The following PTPRD variants were observed in gnomAD, a reference collection of about 807,000 sequenced individuals.
PTPRD encodes the protein receptor-type tyrosine-protein phosphatase delta.
In PTPRD, 34 loss-of-function variants were observed where a neutral mutation model predicts 214.5. The observed-to-expected ratio is 0.16, with a 90% confidence interval of 0.12 to 0.21. PTPRD has a LOEUF of 0.21. Ranked by LOEUF, PTPRD falls within the 10% of genes least tolerant of loss-of-function variation. The pLI, the probability that PTPRD is intolerant of heterozygous loss-of-function variation, is 1.00. For synonymous variants in PTPRD, 1,128 were observed against 845.7 expected (o/e 1.33, Z -5.79); for missense variants, 2,545 against 2,398.7 (o/e 1.06, Z -1.27).
At chr9:9,600,130 A>C (rs1250168502) in intron 7 of PTPRD, among the ~76,000 whole-genome samples, 1 of 152,096 alleles carries the variant, frequency 6.6e-6, no homozygotes, top group African/African-American at 2.4e-5. Flanking sequence ...CCGACTAATA[A>C]TTTGGGGGAA....
chr9:8,448,312 A>C (rs533481786), intron 34 of PTPRD, among the ~76,000 whole-genome samples: 1 of 152,196 alleles, frequency 6.6e-6, no homozygotes, highest in Non-Finnish European at 1.5e-5. Context: ...TGGACAATCG[A>C]GTGAGACTCT....
Position 8,315,476 on chromosome 9 carries a change from G to C in PTPRD, c.*2398C>G, listed in dbSNP as rs901362638. The C allele has an allele frequency of 5.6e-5, 13 of 231,936 alleles. No homozygotes were observed. The highest frequency in any genetic ancestry group is 5.1e-5 in the Non-Finnish European group (6 of 117,058). 14.4% of individuals were successfully genotyped at this position (231,936 alleles called of 1,614,324 possible). A position where few individuals can be genotyped will look rare whatever the true frequency, so the allele number is the denominator to read the frequency against. ...TTTGTTTAACTAAAAGAAAATTATA[G>C]CACTGAGTAATCTGGCACTTGGATA... On this transcript the variant is annotated 3_prime_UTR_variant, in exon 46 of 46. Coordinates refer to ENST00000381196, the MANE Select transcript of PTPRD (RefSeq NM_002839.4).
intron 11 of PTPRD, among the ~76,000 whole-genome samples, chr9:8,933,190 G>A (rs1282535340): frequency 1.3e-5 from 2 of 151,866 alleles, no homozygotes; most frequent in Non-Finnish European, 2.9e-5. Context: ...GCCCTTCATG[G>A]GCTGCACCCA....
chr9:8,749,291 C>G (rs6477346), intron 11 of PTPRD, among the ~76,000 whole-genome samples: 8,697 of 152,146 alleles, frequency 0.057, 631 homozygotes, highest in African/African-American at 0.17. Flanking sequence ...AGCAATTCTA[C>G]ATTCTCGTGT....
chr9:10,482,761 G>T (rs1053833874), intron 2 of PTPRD, among the ~76,000 whole-genome samples: 3 of 152,016 alleles, frequency 2.0e-5, no homozygotes, highest in African/African-American at 7.3e-5. Flanking sequence ...AACCAACTAG[G>T]TGAAAAATCT....
In PTPRD at chr9:9,090,855, T is replaced by A. The variant is rs543692964; in HGVS notation, c.-142-72120A>T. On this transcript the variant is annotated intron_variant, in intron 10 of 45. Transcript: ENST00000381196. ...TATTCCATTGACAATGATGACAGGT[T>A]AAAAATTTCTTTAAATAGCTGTCTC... 9.5e-5 allele frequency: 81 copies of A among 850,618 alleles called. No homozygotes were observed. The East Asian group carries it at 1.5e-3, about 16-fold the overall frequency. 52.7% of individuals were successfully genotyped at this position (850,618 alleles called of 1,614,324 possible). A position where few individuals can be genotyped will look rare whatever the true frequency, so the allele number is the denominator to read the frequency against.
In PTPRD at chr9:10,033,774, G is replaced by A. The variant is rs9886850; in HGVS notation, c.-528C>T. On this transcript the variant is annotated 5_prime_UTR_variant, in exon 4 of 46. Coordinates refer to ENST00000381196, the MANE Select transcript of PTPRD (RefSeq NM_002839.4). The stretch of plus-strand genomic sequence containing the variant: ...TATAGCTGGAGGATGAAAAGTATCA[G>A]ACTCCTCAAGATTTCCCTGAAAGGA... 0.32 allele frequency: 47,840 copies of A among 151,854 alleles called. 8,075 individuals are homozygous for A. The highest frequency in any genetic ancestry group is 0.62 in the East Asian group (3,215 of 5,150). The allele number at this position is 151,854 out of a possible 1,614,324, so 9.4% of individuals were successfully genotyped here.
At chr9:8,513,972 A>T (rs1240464454) in intron 21 of PTPRD, among the ~76,000 whole-genome samples, 13 of 152,152 alleles carry the variant, frequency 8.5e-5, no homozygotes, top group Admixed American at 8.5e-4. Flanking sequence ...CATGCAAAAA[A>T]GTCAGTTAAA....
intron 2 of PTPRD, among the ~76,000 whole-genome samples, chr9:10,413,088 A>G (rs925840763): frequency 1.3e-5 from 2 of 151,958 alleles, no homozygotes; most frequent in Non-Finnish European, 2.9e-5. Flanking sequence ...CTCCTATTCA[A>G]CATAGTATTG....
intron 6 of PTPRD, among the ~76,000 whole-genome samples, chr9:9,763,579 A>G (rs1051593453): frequency 2.6e-5 from 4 of 152,178 alleles, no homozygotes; most frequent in Non-Finnish European, 5.9e-5. Flanking sequence ...GTTACAAATA[A>G]CAATATGATA....
chr9:10,204,579 C>G (rs1249750748), intron 3 of PTPRD, among the ~76,000 whole-genome samples: 1 of 151,862 alleles, frequency 6.6e-6, no homozygotes. Flanking sequence ...ATCATTTGTT[C>G]TGATTTATAA....
chr9:8,629,025 A>G (rs1214293116), intron 14 of PTPRD, among the ~76,000 whole-genome samples: 1 of 151,810 alleles, frequency 6.6e-6, no homozygotes, highest in Non-Finnish European at 1.5e-5. Context: ...AGAACAGCCC[A>G]GTCTAAAAAT....
intron 8 of PTPRD, among the ~76,000 whole-genome samples, chr9:9,461,471 G>A (rs1417995834): frequency 1.3e-5 from 2 of 152,144 alleles, no homozygotes; most frequent in East Asian, 1.9e-4. Flanking sequence ...TGGAATTAGA[G>A]TAGATAAAGA....
chr9:9,806,825 T>C (rs1408924386), intron 5 of PTPRD, among the ~76,000 whole-genome samples: 3 of 151,988 alleles, frequency 2.0e-5, no homozygotes, highest in Admixed American at 6.6e-5. Flanking sequence ...CTGACCTACC[T>C]CTAGGAACAC....
chr9:8,850,197 C>T (rs1296003733), intron 11 of PTPRD, among the ~76,000 whole-genome samples: 2 of 151,990 alleles, frequency 1.3e-5, no homozygotes, highest in African/African-American at 4.8e-5. Context: ...AGTCATGTAA[C>T]AAGCAGATAG....
intron 3 of PTPRD, among the ~76,000 whole-genome samples, chr9:10,311,083 AT>A (rs891557222): frequency 1.3e-4 from 20 of 150,008 alleles, no homozygotes; most frequent in East Asian, 3.9e-4. Context: ...TTATATACCG[AT>A]TTTTTTTTTA....
intron 10 of PTPRD, among the ~76,000 whole-genome samples, chr9:9,037,340 G>C (rs2154380952): frequency 6.6e-6 from 1 of 152,154 alleles, no homozygotes; most frequent in South Asian, 2.1e-4. Context: ...AAGAGTCTGA[G>C]GAAGGACTAA....
intron 8 of PTPRD, among the ~76,000 whole-genome samples, chr9:9,508,404 A>AT (rs1360787866): frequency 1.3e-5 from 2 of 151,390 alleles, no homozygotes; most frequent in South Asian, 4.1e-4. Context: ...TTACATGGCT[A>AT]TTTTTTCCAT....
chr9:10,064,563 T>G (rs1241603349), intron 3 of PTPRD, among the ~76,000 whole-genome samples: 1 of 151,944 alleles, frequency 6.6e-6, no homozygotes, highest in Non-Finnish European at 1.5e-5. Flanking sequence ...TCACAAATTC[T>G]ACAAGCCTGA....
Sources: allele counts gnomAD v4.1 joint callset (sites outside exome capture counted in the v4.1 genomes callset), GRCh38; gene constraint gnomAD v4.1.1; transcripts MANE v1.5; gene names NCBI Gene and HGNC (gene_info 2026-07-23, HGNC 2026-07-21).